The following SOD2 variants were observed in gnomAD, a reference collection of about 807,000 sequenced individuals.
The protein encoded by SOD2 is superoxide dismutase 2, also known as superoxide dismutase [Mn], mitochondrial.
Under a neutral mutation model 27.0 loss-of-function variants are expected in SOD2, and 11 were observed. That is an observed-to-expected ratio of 0.41 (90% CI 0.26 to 0.67). The LOEUF (loss-of-function observed/expected upper bound fraction) is 0.67, where lower values mean the gene tolerates loss of function less well. Among genes scored for constraint, SOD2 ranks in the 30% least tolerant of loss-of-function variants. SOD2 has a pLI of 0.34. For synonymous variants in SOD2, 105 were observed against 103.0 expected, an observed-to-expected ratio of 1.02 and a Z score of -0.12; for missense variants, 250 against 274.5, an observed-to-expected ratio of 0.91 and a Z score of 0.63.
chr6:159,706,832 A>G (rs1777636591), intron 1 of SOD2, among the ~76,000 whole-genome samples: 2 of 152,348 alleles, frequency 1.3e-5, no homozygotes, highest in East Asian at 1.9e-4. Context: ...TCAGCACCAC[A>G]TCGCACCTAT....
intron 1 of SOD2, among the ~76,000 whole-genome samples, chr6:159,739,720 A>T (rs2114911554): frequency 6.6e-6 from 1 of 151,204 alleles, no homozygotes; most frequent in South Asian, 2.1e-4. Context: ...GAGAGAAAAG[A>T]TGTTTTGTGA....
chr6:159,682,700 T>C, intron 4 of SOD2, 62 bp from the exon 5 acceptor site: 1 of 1,490,944 alleles, frequency 6.7e-7, no homozygotes, highest in Non-Finnish European at 9.0e-7. Context: ...TTGCATCTTC[T>C]CAATTTCAAC....
intron 1 of SOD2, among the ~76,000 whole-genome samples, chr6:159,722,490 G>A (rs1198318729): frequency 6.6e-6 from 1 of 152,174 alleles, no homozygotes; most frequent in Non-Finnish European, 1.5e-5. Context: ...ACCAATGATG[G>A]AAAAATAGTT....
At chr6:159,700,559 C>G (rs1202245142) in intron 1 of SOD2, among the ~76,000 whole-genome samples, 1 of 150,000 alleles carries the variant, frequency 6.7e-6, no homozygotes, top group Non-Finnish European at 1.5e-5. Context: ...GAGGCTGAGG[C>G]AGGAGAATGG....
chr6:159,738,867 A>G, intron 1 of SOD2: 1 of 622,892 alleles, frequency 1.6e-6, no homozygotes, highest in South Asian at 3.6e-5. Flanking sequence ...ATACTTTTTC[A>G]AAAAATCATA....
At chr6:159,711,982 T>C (rs1181717246) in intron 1 of SOD2, among the ~76,000 whole-genome samples, 70 of 94,128 alleles carry the variant, frequency 7.4e-4, no homozygotes, top group Non-Finnish European at 1.1e-3. Context: ...TAACCACCAC[T>C]CACACTGCTC....
At chr6:159,747,112 T>A (rs1779621103), upstream of SOD2, among the ~76,000 whole-genome samples, 1 of 152,216 alleles carries the variant, frequency 6.6e-6, no homozygotes, top group Non-Finnish European at 1.5e-5. Flanking sequence ...TATTAGAAAA[T>A]TTTAACTGTA....
intron 1 of SOD2, among the ~76,000 whole-genome samples, chr6:159,759,169 C>T (rs913928910): frequency 6.6e-6 from 1 of 150,890 alleles, no homozygotes; most frequent in Admixed American, 6.6e-5. Flanking sequence ...AAGCAATTCT[C>T]CTGCCTCAGC....
intron 1 of SOD2, among the ~76,000 whole-genome samples, chr6:159,750,529 A>G (rs1779779706): frequency 6.6e-6 from 1 of 152,220 alleles, no homozygotes; most frequent in African/African-American, 2.4e-5. Context: ...TTTCTTGGGT[A>G]TCATCAAGAT....
At chr6:159,687,883 C>T (rs1232733591) in intron 3 of SOD2, among the ~76,000 whole-genome samples, 6 of 151,452 alleles carry the variant, frequency 4.0e-5, no homozygotes, top group African/African-American at 7.3e-5. Flanking sequence ...TGGTGGCGGG[C>T]GCCTGTAATC....
upstream of SOD2, chr6:159,749,020 T>C (rs937977387): frequency 8.0e-6 from 8 of 1,003,522 alleles, no homozygotes; most frequent in Non-Finnish European, 9.5e-6. Flanking sequence ...TCCGTACAAG[T>C]AGCGCATATA....
chr6:159,725,495 A>C (rs984136031), intron 1 of SOD2: 1 of 150,420 alleles, frequency 6.6e-6, no homozygotes, highest in Non-Finnish European at 1.5e-5. Flanking sequence ...AAAAAAAAAA[A>C]CCCAAAGAAT....
At chr6:159,752,355 T>C (rs1779851478) in intron 1 of SOD2, among the ~76,000 whole-genome samples, 1 of 152,212 alleles carries the variant, frequency 6.6e-6, no homozygotes, top group African/African-American at 2.4e-5. Context: ...TCATTTCTTT[T>C]TTTTTCTTTT....
upstream of SOD2, chr6:159,727,605 T>G (rs1404061115): frequency 1.0e-6 from 1 of 986,134 alleles, no homozygotes; most frequent in Non-Finnish European, 1.2e-6. Flanking sequence ...GGCAGAGCTG[T>G]CCGGCTGCGC....
At chr6:159,707,494 C>T (rs997382601) in intron 1 of SOD2, among the ~76,000 whole-genome samples, 1 of 152,140 alleles carries the variant, frequency 6.6e-6, no homozygotes, top group Admixed American at 6.6e-5. Flanking sequence ...AACACCTCTA[C>T]ACAAATAAAC....
rs906631466 is a variant in SOD2 at position 159,677,438 on chromosome 6, T to C, written c.*5055A>G. On this transcript the variant is annotated 3_prime_UTR_variant, in exon 5 of 5. Transcript: ENST00000538183. Reference sequence around the variant, plus strand: ...CAACTTCACATCCCTTTCCAAATAGTATGCCAGTACTATACCAAATAGTAT... The same window carrying C: ...CAACTTCACATCCCTTTCCAAATAGCATGCCAGTACTATACCAAATAGTAT... The C allele has an allele frequency of 6.6e-6, 1 of 152,226 alleles. No homozygotes were observed. The highest frequency in any genetic ancestry group is 6.5e-5 in the Admixed American group (1 of 15,276). 9.4% of individuals were successfully genotyped at this position (152,226 alleles called of 1,614,324 possible). A position where few individuals can be genotyped will look rare whatever the true frequency, so the allele number is the denominator to read the frequency against.
chr6:159,694,205 C>T (rs369686532), upstream of SOD2, among the ~76,000 whole-genome samples: 23 of 152,182 alleles, frequency 1.5e-4, no homozygotes, highest in African/African-American at 5.1e-4. Flanking sequence ...GTCTTGTAGC[C>T]TAGTAAGCTG....
At position 159,752,236 on chromosome 6, in the gene SOD2, C is replaced by T. The variant is rs140315974; in HGVS notation, c.-335-3560G>A. On this transcript the variant is annotated intron_variant, in intron 1 of 7. Transcript: ENST00000546087. ...GACTAGAATTTAAAAAATGTTTTAA[C>T]CCATAAGGTCATCCTGGACTTACCC... 4.2e-3 allele frequency among the ~76,000 whole-genome samples: 632 copies of T among 152,252 alleles called. 4 individuals carry two copies. Among genetic ancestry groups the T allele is most frequent in the African/African-American group, 0.015 (609 of 41,554 alleles).
At position 159,675,645 on chromosome 6, in the gene SOD2, C is replaced by T. The variant is rs1779764320; in HGVS notation, c.*6848G>A. The T allele has an allele frequency of 3.3e-5, 5 of 152,148 alleles. No individual in the cohort carries two copies. In the South Asian group the frequency reaches 1.0e-3, roughly 31 times the overall value. 9.4% of individuals were successfully genotyped at this position (152,148 alleles called of 1,614,324 possible). A position where few individuals can be genotyped will look rare whatever the true frequency, so the allele number is the denominator to read the frequency against. On this transcript the variant is annotated 3_prime_UTR_variant, in exon 5 of 5. Coordinates refer to ENST00000538183, the MANE Select transcript of SOD2 (RefSeq NM_000636.4). ...TGTTAGACCTAAAACCATAAAAACC[C>T]TAGAAGAAAACCTATGCAGTACCAT...
Sources: allele counts gnomAD v4.1 joint callset (sites outside exome capture counted in the v4.1 genomes callset), GRCh38; gene constraint gnomAD v4.1.1; transcripts MANE v1.5; gene names NCBI Gene and HGNC (gene_info 2026-07-23, HGNC 2026-07-21).